TESK2: variants seen among roughly 807,000 people sequenced by gnomAD.
TESK2 encodes the protein dual specificity testis-specific protein kinase 2.
In TESK2, 39 loss-of-function variants were observed where a neutral mutation model predicts 57.1. That is an observed-to-expected ratio of 0.68 (90% CI 0.53 to 0.89). TESK2 has a LOEUF of 0.89. TESK2 is among the 40% of genes least tolerant of loss of function. The probability of loss-of-function intolerance (pLI) is 0.00; values close to 1 mark genes in which losing one functional copy is unlikely to be tolerated. For synonymous variants in TESK2, 249 were observed against 267.9 expected, an observed-to-expected ratio of 0.93 and a Z score of 0.69; for missense variants, 646 against 732.1, an observed-to-expected ratio of 0.88 and a Z score of 1.36.
intron 4 of TESK2, among the ~76,000 whole-genome samples, chr1:45,361,305 CA>C (rs1339767399): frequency 6.6e-6 from 1 of 152,236 alleles, no homozygotes; most frequent in Non-Finnish European, 1.5e-5. Flanking sequence ...CTTTCATTTT[CA>C]GCTAGACTAC....
At chr1:45,388,575 C>T (rs1217848890) in intron 3 of TESK2, among the ~76,000 whole-genome samples, 1 of 152,148 alleles carries the variant, frequency 6.6e-6, no homozygotes, top group Non-Finnish European at 1.5e-5. Flanking sequence ...GTGACAGAGA[C>T]TGTGTGACTT....
Position 45,344,834 on chromosome 1 carries a change from AC to A in TESK2, c.*5del. 1 of 1,608,956 alleles carries A rather than the reference AC, an allele frequency of 6.2e-7. No homozygotes were observed. Among genetic ancestry groups the A allele is most frequent in the African/African-American group, 1.3e-5 (1 of 74,806 alleles). ...ATCCCCAAGGTGAGGCAGGGACTAA[AC>A]CCCCTCACCCATCCTGCTTTCCCTG... is the stretch of plus-strand genomic sequence containing the variant. On this transcript the variant is annotated 3_prime_UTR_variant, in exon 11 of 11. Coordinates refer to ENST00000372086, the MANE Select transcript of TESK2 (RefSeq NM_007170.3).
chr1:45,420,146 A>C (rs1210870200), intron 3 of TESK2, among the ~76,000 whole-genome samples: 1 of 152,064 alleles, frequency 6.6e-6, no homozygotes, highest in Non-Finnish European at 1.5e-5. Context: ...TCTCATTTAA[A>C]AATATACTGG....
chr1:45,487,618 T>A (rs965302573), intron 1 of TESK2, among the ~76,000 whole-genome samples: 1 of 152,218 alleles, frequency 6.6e-6, no homozygotes, highest in Non-Finnish European at 1.5e-5. Flanking sequence ...TTCAACCACA[T>A]TTCTGATTGT....
chr1:45,372,182 A>C (rs905169438), intron 4 of TESK2, among the ~76,000 whole-genome samples: 2 of 152,096 alleles, frequency 1.3e-5, no homozygotes, highest in African/African-American at 4.8e-5. Context: ...TGGGAGATCA[A>C]GGCTGCAGTA....
At chr1:45,401,222 C>A (rs1649582644) in intron 3 of TESK2, among the ~76,000 whole-genome samples, 2 of 151,718 alleles carry the variant, frequency 1.3e-5, no homozygotes, top group South Asian at 2.1e-4. Context: ...CGTGGTGAAA[C>A]CCTGTCTCTA....
intron 3 of TESK2, among the ~76,000 whole-genome samples, chr1:45,404,695 C>T (rs1230793664): frequency 1.3e-5 from 2 of 151,946 alleles, no homozygotes; most frequent in East Asian, 1.9e-4. Flanking sequence ...AGGCATGCGC[C>T]ACCACGCCGG....
At chr1:45,382,606 C>T (rs1368636392) in intron 4 of TESK2, among the ~76,000 whole-genome samples, 1 of 152,152 alleles carries the variant, frequency 6.6e-6, no homozygotes, top group Non-Finnish European at 1.5e-5. Flanking sequence ...CGCGGTGGCT[C>T]ACACCTGTAA....
At position 45,452,032 on chromosome 1, in the gene TESK2, C is replaced by CAAAAA. The variant is rs566363776; in HGVS notation, c.222+5527_222+5531dup. 2.4e-3 allele frequency among the ~76,000 whole-genome samples: 247 copies of CAAAAA among 103,816 alleles called. 11 individuals are homozygous for CAAAAA. The highest frequency in any genetic ancestry group is 0.022 in the Middle Eastern group (4 of 182). The allele number at this position is 103,816 out of a possible 152,430, so 68.1% of individuals were successfully genotyped here. A position where few individuals can be genotyped will look rare whatever the true frequency, so the allele number is the denominator to read the frequency against. ...TGGGAGACAGAACAAGACTCCGTCTCAAAAAAAAAAAAAAATTTATTTGGT... is the reference window on the plus strand; with the variant it reads ...TGGGAGACAGAACAAGACTCCGTCTCAAAAAAAAAAAAAAAAAAAATTTATTTGGT... On this transcript the variant is annotated intron_variant, in intron 2 of 10. Coordinates refer to ENST00000372086, the MANE Select transcript of TESK2 (RefSeq NM_007170.3).
chr1:45,368,446 C>A, intron 4 of TESK2, among the ~76,000 whole-genome samples: 1 of 152,016 alleles, frequency 6.6e-6, no homozygotes. Context: ...GCAATCTCAG[C>A]TCACTGCAAC....
chr1:45,397,295 A>G (rs182773303), intron 3 of TESK2, among the ~76,000 whole-genome samples: 5 of 152,358 alleles, frequency 3.3e-5, no homozygotes, highest in African/African-American at 1.2e-4. Context: ...CAAATCATAC[A>G]GCTAATAAAA....
At chr1:45,415,223 A>G in intron 3 of TESK2, 7 of 1,483,514 alleles carry the variant, frequency 4.7e-6, no homozygotes, top group Non-Finnish European at 6.6e-6. Context: ...TTGGATGGCA[A>G]GCATGTGGTC....
intron 3 of TESK2, among the ~76,000 whole-genome samples, chr1:45,386,997 C>T (rs1648928929): frequency 6.6e-6 from 1 of 152,122 alleles, no homozygotes; most frequent in Admixed American, 6.6e-5. Flanking sequence ...ACCTTTCCCC[C>T]CAGGTCCTCA....
chr1:45,366,012 T>C (rs973153951), intron 4 of TESK2, among the ~76,000 whole-genome samples: 1 of 152,072 alleles, frequency 6.6e-6, no homozygotes, highest in Non-Finnish European at 1.5e-5. Flanking sequence ...TTTCACCATG[T>C]TGGCCAGGCT....
At chr1:45,424,375 C>G (rs544952050) in intron 2 of TESK2, among the ~76,000 whole-genome samples, 1 of 152,170 alleles carries the variant, frequency 6.6e-6, no homozygotes, top group Non-Finnish European at 1.5e-5. Context: ...ATCGGAAAAA[C>G]TAAGGCAGGC....
intron 2 of TESK2, among the ~76,000 whole-genome samples, chr1:45,439,266 C>T (rs1027787214): frequency 2.0e-5 from 3 of 152,032 alleles, no homozygotes; most frequent in African/African-American, 7.2e-5. Flanking sequence ...ACCATGAATG[C>T]GAATGAATCA....
chr1:45,407,886 T>G (rs1170070140), intron 3 of TESK2, among the ~76,000 whole-genome samples: 1 of 152,208 alleles, frequency 6.6e-6, no homozygotes, highest in Non-Finnish European at 1.5e-5. Flanking sequence ...AACAAAATTG[T>G]AAAATTCTTC....
chr1:45,411,629 C>T (rs774961758), intron 3 of TESK2, among the ~76,000 whole-genome samples: 27 of 152,154 alleles, frequency 1.8e-4, no homozygotes, highest in Non-Finnish European at 1.9e-4. Context: ...CACAGAGGCA[C>T]ACTCAGCGCA....
At chr1:45,437,385 T>C (rs1244978346) in intron 2 of TESK2, among the ~76,000 whole-genome samples, 1 of 152,198 alleles carries the variant, frequency 6.6e-6, no homozygotes. Context: ...GAAATGCTGA[T>C]TTTTGTGCAT....
Sources: gnomAD v4.1 joint callset for allele counts (sites outside exome capture counted in the v4.1 genomes callset) on GRCh38, gnomAD v4.1.1 for gene constraint, MANE v1.5 for transcripts, NCBI Gene and HGNC (gene_info 2026-07-23, HGNC 2026-07-21) for gene names.